Variants in KLF13 observed in about 807,000 individuals in gnomAD.
KLF13 encodes KLF transcription factor 13.
KLF13 carries 8 observed loss-of-function variants against 16.7 expected under a neutral mutation model. The observed-to-expected ratio is 0.48, with a 90% CI of 0.28 to 0.87. The LOEUF (loss-of-function observed/expected upper bound fraction) is 0.87. Ranked by LOEUF, KLF13 falls within the 40% of genes least tolerant of loss-of-function variation. The probability of loss-of-function intolerance (pLI) is 0.10; values close to 1 mark genes in which losing one functional copy is unlikely to be tolerated. For missense variants in KLF13, 447 were observed against 452.2 expected (o/e 0.99, Z 0.10); for synonymous variants, 245 against 208.4 (o/e 1.18, Z -1.51).
chr15:31,410,582 AACACACACACACACACACAC>A (rs71110871), intron 1 of KLF13, among the ~76,000 whole-genome samples: 89 of 146,636 alleles, frequency 6.1e-4, no homozygotes, highest in Non-Finnish European at 8.4e-4. Context: ...AACACCAACC[AACACACACACACACACACAC>A]ACACACACAC....
chr15:31,331,553 C>T (rs890390904), intron 1 of KLF13, among the ~76,000 whole-genome samples: 9 of 152,188 alleles, frequency 5.9e-5, no homozygotes, highest in African/African-American at 1.9e-4. Flanking sequence ...CAGAGGGCAT[C>T]TGGCAGAGCA....
chr15:31,434,566 C>T (rs758670392), intron 1 of KLF13, among the ~76,000 whole-genome samples: 7 of 152,108 alleles, frequency 4.6e-5, no homozygotes, highest in African/African-American at 7.2e-5. Context: ...ATCTCAGGGG[C>T]GTGGAAGGGA....
At chr15:31,336,948 A>C (rs932754785) in intron 1 of KLF13, among the ~76,000 whole-genome samples, 1 of 152,198 alleles carries the variant, frequency 6.6e-6, no homozygotes, top group Non-Finnish European at 1.5e-5. Context: ...AGTTAATGAC[A>C]TGGTTCCCAC....
intron 1 of KLF13, among the ~76,000 whole-genome samples, chr15:31,341,798 T>C (rs1393339026): frequency 6.6e-6 from 1 of 152,132 alleles, no homozygotes; most frequent in Admixed American, 6.5e-5. Flanking sequence ...TGACACAGCA[T>C]GTGGGGTGAT....
At chr15:31,405,620 G>A (rs1263021078), downstream of KLF13, among the ~76,000 whole-genome samples, 3 of 152,282 alleles carry the variant, frequency 2.0e-5, no homozygotes, top group Middle Eastern at 3.4e-3. Context: ...TAAAGCCTTC[G>A]GTAGTTTGGT....
At chr15:31,397,539 C>T (rs896415762) in intron 2 of KLF13, among the ~76,000 whole-genome samples, 1 of 152,220 alleles carries the variant, frequency 6.6e-6, no homozygotes, top group Non-Finnish European at 1.5e-5. Flanking sequence ...CTGGGAAGTT[C>T]CTGGGCCTGT....
intron 1 of KLF13, among the ~76,000 whole-genome samples, chr15:31,345,899 C>A (rs1396266667): frequency 1.3e-5 from 2 of 152,194 alleles, no homozygotes; most frequent in African/African-American, 4.8e-5. Flanking sequence ...CCACCTCTCA[C>A]CCCTGGTTGT....
intron 1 of KLF13, among the ~76,000 whole-genome samples, chr15:31,419,263 G>C (rs1022856323): frequency 1.9e-5 from 2 of 107,514 alleles, no homozygotes; most frequent in African/African-American, 3.9e-5. Flanking sequence ...GGCATGTGAA[G>C]AAATAGGGAA....
At chr15:31,340,539 C>T (rs139608432) in intron 1 of KLF13, among the ~76,000 whole-genome samples, 2 of 152,248 alleles carry the variant, frequency 1.3e-5, no homozygotes, top group Non-Finnish European at 2.9e-5. Flanking sequence ...ACATCACCCC[C>T]TTCAAAGATG....
chr15:31,329,117 C>G (rs1202572796), intron 1 of KLF13, among the ~76,000 whole-genome samples: 1 of 151,964 alleles, frequency 6.6e-6, no homozygotes, highest in Non-Finnish European at 1.5e-5. Context: ...TTTGTGGCCG[C>G]TCCAAACCAC....
chr15:31,332,004 T>C (rs974153767), intron 1 of KLF13, among the ~76,000 whole-genome samples: 2 of 152,258 alleles, frequency 1.3e-5, no homozygotes, highest in African/African-American at 4.8e-5. Flanking sequence ...TATGGCTGCA[T>C]TGTAACTTAT....
intron 1 of KLF13, among the ~76,000 whole-genome samples, chr15:31,329,889 G>C (rs1419290053): frequency 2.0e-5 from 3 of 152,226 alleles, no homozygotes; most frequent in Non-Finnish European, 4.4e-5. Flanking sequence ...GAAGAATGCA[G>C]ATTTCCGGGC....
intron 2 of KLF13, among the ~76,000 whole-genome samples, chr15:31,394,489 G>GAA (rs751996524): frequency 1.8e-5 from 2 of 113,080 alleles, no homozygotes; most frequent in Non-Finnish European, 1.9e-5. Context: ...TCCGTCTCAA[G>GAA]AAAAAAAAAA....
chr15:31,431,503 C>T (rs899304118), intron 1 of KLF13, among the ~76,000 whole-genome samples: 5 of 152,180 alleles, frequency 3.3e-5, no homozygotes, highest in African/African-American at 7.2e-5. Context: ...CTCCCTCTGT[C>T]GCCCAGGATG....
intron 1 of KLF13, among the ~76,000 whole-genome samples, chr15:31,433,605 T>C (rs912696774): frequency 1.3e-5 from 2 of 152,266 alleles, no homozygotes; most frequent in African/African-American, 2.4e-5. Context: ...CCTCCCGTTC[T>C]ACTGAAGGCT....
At chr15:31,418,540 G>C (rs980165475) in intron 1 of KLF13, among the ~76,000 whole-genome samples, 7 of 151,470 alleles carry the variant, frequency 4.6e-5, no homozygotes, top group Non-Finnish European at 8.8e-5. Flanking sequence ...GAATGAAAGA[G>C]GACTATCACT....
rs368423642 is a variant in KLF13 at position 31,368,744 on chromosome 15, C to G, written c.578-3266C>G. Reference sequence around the variant, plus strand: ...GTAGGCGCCTGTAATCCCAGCTAGTCGAGAGGCTGAGGCAGAAGAATCACT... The same window carrying G: ...GTAGGCGCCTGTAATCCCAGCTAGTGGAGAGGCTGAGGCAGAAGAATCACT... On this transcript the variant is annotated intron_variant, in intron 1 of 1. Coordinates refer to ENST00000307145, the MANE Select transcript of KLF13 (RefSeq NM_015995.4). Among the ~76,000 whole-genome samples, 21 of 152,090 alleles carry G rather than the reference C, an allele frequency of 1.4e-4. 2 individuals carry two copies. The highest frequency in any genetic ancestry group is 9.2e-4 in the Admixed American group (14 of 15,276).
intron 1 of KLF13, among the ~76,000 whole-genome samples, chr15:31,329,038 G>A (rs1285273291): frequency 6.6e-6 from 1 of 152,106 alleles, no homozygotes; most frequent in Non-Finnish European, 1.5e-5. Context: ...TTTACCATTT[G>A]GAACTGAAAG....
intron 1 of KLF13, among the ~76,000 whole-genome samples, chr15:31,352,292 C>T (rs1284359338): frequency 6.6e-6 from 1 of 152,240 alleles, no homozygotes; most frequent in African/African-American, 2.4e-5. Flanking sequence ...TGTCTCACAG[C>T]AGAGGCTTGC....
Sources: gnomAD v4.1 joint callset for allele counts (sites outside exome capture counted in the v4.1 genomes callset) on GRCh38, gnomAD v4.1.1 for gene constraint, MANE v1.5 for transcripts, NCBI Gene and HGNC (gene_info 2026-07-23, HGNC 2026-07-21) for gene names.